Variants in SND1 observed in about 807,000 individuals in gnomAD.
SND1 encodes staphylococcal nuclease and tudor domain containing 1.
A neutral mutation model predicts 121.7 loss-of-function variants in SND1; 38 were observed. The observed-to-expected ratio is 0.31, with a 90% CI of 0.24 to 0.41. The LOEUF (loss-of-function observed/expected upper bound fraction) is 0.41, where lower values mean the gene tolerates loss of function less well. SND1 is among the 10% of genes least tolerant of loss of function. The probability of loss-of-function intolerance (pLI) is 1.00; values close to 1 mark genes in which losing one functional copy is unlikely to be tolerated. For missense variants in SND1, 868 were observed against 1,184.6 expected, an observed-to-expected ratio of 0.73 and a Z score of 3.92; for synonymous variants, 401 against 447.4, an observed-to-expected ratio of 0.90 and a Z score of 1.31.
At chr7:127,793,181 G>A (rs1797945518) in intron 10 of SND1, among the ~76,000 whole-genome samples, 1 of 152,220 alleles carries the variant, frequency 6.6e-6, no homozygotes, top group Admixed American at 6.5e-5. Flanking sequence ...TGTGTGGTGA[G>A]TGAAAAGCCA....
At chr7:128,087,504 G>A (rs1793706197) in intron 21 of SND1, among the ~76,000 whole-genome samples, 1 of 152,204 alleles carries the variant, frequency 6.6e-6, no homozygotes, top group East Asian at 1.9e-4. Flanking sequence ...GTGAACAGAG[G>A]GACTAGAATG....
chr7:128,053,852 C>T (rs879411719), intron 16 of SND1, among the ~76,000 whole-genome samples: 5 of 152,210 alleles, frequency 3.3e-5, no homozygotes, highest in African/African-American at 4.8e-5. Context: ...CCACTCTCCA[C>T]GCTGTCCTAC....
chr7:127,756,506 T>A (rs1797198523), intron 10 of SND1, among the ~76,000 whole-genome samples: 1 of 152,266 alleles, frequency 6.6e-6, no homozygotes, highest in Admixed American at 6.5e-5. Flanking sequence ...TTCATTCTTG[T>A]GAAGCAGAAG....
chr7:127,652,300 C>A lies in SND1; in HGVS notation c.-74C>A. The A allele has an allele frequency of 7.7e-7, 1 of 1,304,646 alleles. No homozygotes were observed. The highest frequency in any genetic ancestry group is 1.1e-6 in the Non-Finnish European group (1 of 921,126). The allele number at this position is 1,304,646 out of a possible 1,614,324, so 80.8% of individuals were successfully genotyped here. ...CCTGCCCCTCGCCTCGACTCCCTTT[C>A]ACCAACACCGACACCCACATTGACA... On this transcript the variant is annotated 5_prime_UTR_variant, in exon 1 of 24. Transcript: ENST00000354725.
intron 14 of SND1, among the ~76,000 whole-genome samples, chr7:127,926,601 G>A (rs1220848042): frequency 8.0e-6 from 1 of 125,372 alleles, no homozygotes; most frequent in East Asian, 2.2e-4. Context: ...CACCCAGGCT[G>A]GAGTGCAGTG....
chr7:127,999,000 A>G (rs1025815572), intron 16 of SND1: 5 of 152,216 alleles, frequency 3.3e-5, no homozygotes, highest in Non-Finnish European at 7.3e-5. Context: ...TCAAGCATAG[A>G]ATTGCATCCA....
rs564637616 is a variant in SND1 at position 127,695,602 on chromosome 7, C to T, written c.349+654C>T. Among the ~76,000 whole-genome samples the T allele has an allele frequency of 2.0e-5, 3 of 152,260 alleles. No individual in the cohort carries two copies. In the South Asian group the frequency reaches 6.2e-4, roughly 32 times the overall value. On this transcript the variant is annotated intron_variant, in intron 3 of 23. Transcript: ENST00000354725. ...ATCCCAGCACTTTGGGAGTGTGAGG[C>T]AGGAGGATCTCTTAAGCACAAGAGT...
At chr7:127,889,740 T>A (rs1799976304) in intron 13 of SND1, among the ~76,000 whole-genome samples, 1 of 152,068 alleles carries the variant, frequency 6.6e-6, no homozygotes, top group African/African-American at 2.4e-5. Flanking sequence ...TTGTTTTGAT[T>A]TTTAGATCTC....
At chr7:127,681,658 T>C (rs1795729636) in intron 1 of SND1, among the ~76,000 whole-genome samples, 1 of 152,224 alleles carries the variant, frequency 6.6e-6, no homozygotes, top group Non-Finnish European at 1.5e-5. Flanking sequence ...TTATCTTTTG[T>C]ATATGGTATG....
chr7:127,777,868 A>G (rs958605093), intron 10 of SND1, among the ~76,000 whole-genome samples: 8 of 152,096 alleles, frequency 5.3e-5, no homozygotes, highest in Admixed American at 3.9e-4. Context: ...TTTTTAGACT[A>G]CAGAAGAGAA....
chr7:127,677,368 T>C (rs775580701), intron 1 of SND1, among the ~76,000 whole-genome samples: 9 of 152,248 alleles, frequency 5.9e-5, no homozygotes, highest in Non-Finnish European at 1.3e-4. Flanking sequence ...ACTGCTGACA[T>C]TGATTTGATT....
chr7:127,698,531 C>T (rs1796047451), intron 3 of SND1, among the ~76,000 whole-genome samples: 1 of 152,142 alleles, frequency 6.6e-6, no homozygotes, highest in Non-Finnish European at 1.5e-5. Flanking sequence ...GGCTTCTATT[C>T]CTCCAGTCAC....
At chr7:127,774,047 A>G (rs948693937) in intron 10 of SND1, among the ~76,000 whole-genome samples, 1 of 152,190 alleles carries the variant, frequency 6.6e-6, no homozygotes, top group Admixed American at 6.5e-5. Context: ...CATCCTTTCT[A>G]TCATCGTTTT....
chr7:127,991,403 AG>A (rs1444770757), intron 16 of SND1, among the ~76,000 whole-genome samples: 7 of 151,976 alleles, frequency 4.6e-5, no homozygotes, highest in Admixed American at 3.3e-4. Flanking sequence ...TAACCCTGTC[AG>A]GGGCCAATTT....
In SND1 at chr7:127,918,265, C is replaced by T. The variant is rs1304320735; in HGVS notation, c.1528-10923C>T. On this transcript the variant is annotated intron_variant, in intron 14 of 23. Coordinates refer to ENST00000354725, the MANE Select transcript of SND1 (RefSeq NM_014390.4). ...TTTTTCAGTAGAGAAGGGCTTTCAC[C>T]GTGTTGGCCAGGCTGGTCTCGAACT... Among the ~76,000 whole-genome samples, 3 of 151,710 alleles carry T rather than the reference C, an allele frequency of 2.0e-5. 1 individual carries two copies. The highest frequency in any genetic ancestry group is 4.2e-4 in the South Asian group (2 of 4,798).
intron 10 of SND1, among the ~76,000 whole-genome samples, chr7:127,759,981 C>A (rs1379908542): frequency 6.6e-6 from 1 of 152,168 alleles, no homozygotes; most frequent in African/African-American, 2.4e-5. Context: ...TCCTTCTCTC[C>A]CCAGGTGGGC....
chr7:127,710,213 G>A (rs918973952), intron 9 of SND1, among the ~76,000 whole-genome samples: 8 of 152,114 alleles, frequency 5.3e-5, no homozygotes, highest in Admixed American at 2.0e-4. Context: ...ATATGTGTTC[G>A]CTTGTGTATT....
intron 16 of SND1, chr7:128,027,110 C>G (rs550688301): frequency 6.5e-6 from 1 of 152,690 alleles, no homozygotes; most frequent in South Asian, 2.1e-4. Flanking sequence ...CAAAAATACA[C>G]TTTTCTCACA....
intron 16 of SND1, among the ~76,000 whole-genome samples, chr7:128,005,624 G>A (rs1271214964): frequency 1.3e-5 from 2 of 152,206 alleles, no homozygotes; most frequent in Non-Finnish European, 2.9e-5. Context: ...TGCCTGTTAG[G>A]TTGCTGATTT....
Sources: allele counts gnomAD v4.1 joint callset (sites outside exome capture counted in the v4.1 genomes callset), GRCh38; gene constraint gnomAD v4.1.1; transcripts MANE v1.5; gene names NCBI Gene and HGNC (gene_info 2026-07-23, HGNC 2026-07-21).